Variants in GPHN observed in about 807,000 individuals in gnomAD.
GPHN encodes the protein gephyrin.
GPHN carries 17 observed loss-of-function variants against 95.5 expected under a neutral mutation model. The observed-to-expected ratio is 0.18, with a 90% CI of 0.12 to 0.27. The LOEUF is 0.27. Among genes scored for constraint, GPHN ranks in the 10% least tolerant of loss-of-function variants. The pLI is 1.00. For synonymous variants in GPHN, 320 were observed against 322.5 expected (o/e 0.99, Z 0.08); for missense variants, 660 against 978.1 (o/e 0.67, Z 4.34).
chr14:67,640,365 A>G, the GPHN span, among the ~76,000 whole-genome samples: 1 of 152,174 alleles, frequency 6.6e-6, no homozygotes, highest in Admixed American at 6.5e-5. Flanking sequence ...GGGTGACACA[A>G]GGGCTGGGGA....
the GPHN span, among the ~76,000 whole-genome samples, chr14:67,238,609 C>G: frequency 6.6e-6 from 1 of 151,858 alleles, no homozygotes; most frequent in Admixed American, 6.6e-5. Flanking sequence ...AGGATCTGCC[C>G]TCTTTTAACA....
At chr14:67,577,940 G>C in the GPHN span, 1 of 1,284,124 alleles carries the variant, frequency 7.8e-7, no homozygotes, top group Non-Finnish European at 1.1e-6. Context: ...CCTCCCTGGA[G>C]CCCTTGGAAA....
intron 1 of GPHN, among the ~76,000 whole-genome samples, chr14:66,569,929 C>T (rs2074993975): frequency 6.6e-6 from 1 of 151,968 alleles, no homozygotes; most frequent in Non-Finnish European, 1.5e-5. Context: ...ATCTGATGAC[C>T]AACACCTCCT....
intron 2 of GPHN, among the ~76,000 whole-genome samples, chr14:66,748,953 G>A (rs767729435): frequency 1.5e-4 from 23 of 151,916 alleles, no homozygotes; most frequent in Non-Finnish European, 2.2e-4. Flanking sequence ...TACTCAAACT[G>A]TAGTATAATC....
chr14:66,965,074 A>G, intron 8 of GPHN, 117 bp from the exon 9 acceptor site: 1 of 828,488 alleles, frequency 1.2e-6, no homozygotes, highest in Non-Finnish European at 2.1e-6. Context: ...CCTAACAGTA[A>G]GTGACACCAA....
chr14:66,741,257 A>G (rs1430951485), intron 2 of GPHN, among the ~76,000 whole-genome samples: 1 of 152,204 alleles, frequency 6.6e-6, no homozygotes, highest in Non-Finnish European at 1.5e-5. Flanking sequence ...ATCTAGCAAT[A>G]TTTATGAGAT....
the GPHN span, chr14:67,398,011 T>C: frequency 7.2e-6 from 3 of 419,388 alleles, no homozygotes; most frequent in Non-Finnish European, 1.3e-5. Context: ...ACTGACCTTC[T>C]AGTTCCTATT....
intron 1 of GPHN, among the ~76,000 whole-genome samples, chr14:66,630,978 C>T (rs2063776774): frequency 6.6e-6 from 1 of 151,962 alleles, no homozygotes; most frequent in Admixed American, 6.5e-5. Flanking sequence ...AGTGGACTGT[C>T]AGGATTATTG....
At chr14:66,572,939 G>T (rs1000552789) in intron 1 of GPHN, among the ~76,000 whole-genome samples, 2 of 152,084 alleles carry the variant, frequency 1.3e-5, no homozygotes, top group African/African-American at 2.4e-5. Flanking sequence ...CTTTTATAAC[G>T]CATTGTTTTA....
chr14:67,402,864 C>G, the GPHN span, among the ~76,000 whole-genome samples: 2 of 152,304 alleles, frequency 1.3e-5, no homozygotes, highest in East Asian at 3.9e-4. Flanking sequence ...CTATTGTAAA[C>G]AGTGCTGCAA....
At chr14:67,335,927 G>A in the GPHN span, 4 of 152,220 alleles carry the variant, frequency 2.6e-5, no homozygotes, top group Admixed American at 6.5e-5. Flanking sequence ...GGATCCTCCA[G>A]CTACAACACA....
At chr14:67,076,634 A>T (rs2076504856) in intron 11 of GPHN, among the ~76,000 whole-genome samples, 1 of 152,142 alleles carries the variant, frequency 6.6e-6, no homozygotes, top group South Asian at 2.1e-4. Flanking sequence ...AATAGTTGTT[A>T]TGTGAAAAAA....
chr14:66,825,628 A>G (rs189225884), intron 4 of GPHN, among the ~76,000 whole-genome samples: 1,831 of 151,476 alleles, frequency 0.012, 19 homozygotes, highest in Non-Finnish European at 0.018. Flanking sequence ...ACCATAGACC[A>G]TATTTTCACT....
intron 1 of GPHN, among the ~76,000 whole-genome samples, chr14:66,637,125 A>G (rs2064142337): frequency 6.6e-6 from 1 of 152,074 alleles, no homozygotes; most frequent in African/African-American, 2.4e-5. Context: ...TTGTCACTTT[A>G]TTTAGCTTGG....
the GPHN span, among the ~76,000 whole-genome samples, chr14:67,641,927 A>G: frequency 6.6e-6 from 1 of 152,206 alleles, no homozygotes; most frequent in African/African-American, 2.4e-5. Context: ...ACTCCAGGAT[A>G]TCTGAGGTCT....
chr14:67,495,486 ATTTTT>A, the GPHN span, among the ~76,000 whole-genome samples: 1 of 144,412 alleles, frequency 6.9e-6, no homozygotes, highest in East Asian at 2.0e-4. Context: ...AGCCTTCTGG[ATTTTT>A]TTTTTTTTCA....
the GPHN span, chr14:67,733,758 G>T: frequency 6.2e-7 from 1 of 1,612,620 alleles, no homozygotes; most frequent in South Asian, 1.1e-5. Context: ...ACTGCAAGAG[G>T]ACCTGGGTGT....
chr14:66,620,798 G>A (rs2063257438), intron 1 of GPHN, among the ~76,000 whole-genome samples: 1 of 152,156 alleles, frequency 6.6e-6, no homozygotes, highest in Non-Finnish European at 1.5e-5. Flanking sequence ...CCTGAGACAA[G>A]GCAAGTCCCT....
chr14:66,557,000 C>G (rs1331187631), intron 1 of GPHN, among the ~76,000 whole-genome samples: 6 of 151,858 alleles, frequency 4.0e-5, no homozygotes, highest in Non-Finnish European at 8.8e-5. Context: ...GAGTTTGAGA[C>G]CTGCTTGGCC....
Sources: gnomAD v4.1 joint callset for allele counts (sites outside exome capture counted in the v4.1 genomes callset) on GRCh38, gnomAD v4.1.1 for gene constraint, MANE v1.5 for transcripts, NCBI Gene and HGNC (gene_info 2026-07-23, HGNC 2026-07-21) for gene names.